The following SNX18 variants were observed in gnomAD, a reference collection of about 807,000 sequenced individuals.
SNX18 encodes sorting nexin 18, also known as sorting nexin-18.
In SNX18, 35 loss-of-function variants were observed where a neutral mutation model predicts 48.7. The observed-to-expected ratio is 0.72, with a 90% confidence interval of 0.55 to 0.95. The LOEUF (loss-of-function observed/expected upper bound fraction) is 0.95, where lower values mean the gene tolerates loss of function less well. Ranked by LOEUF, SNX18 falls within the 40% of genes least tolerant of loss-of-function variation. The pLI is 0.00. For synonymous variants in SNX18, 492 were observed against 384.7 expected, an observed-to-expected ratio of 1.28 and a Z score of -3.26; for missense variants, 824 against 871.0, an observed-to-expected ratio of 0.95 and a Z score of 0.68.
chr5:54,528,375 T>G (rs1179149125), intron 1 of SNX18, among the ~76,000 whole-genome samples: 5 of 152,112 alleles, frequency 3.3e-5, no homozygotes, highest in African/African-American at 1.2e-4. Context: ...CACAGAGGAC[T>G]GAAATAAAAG....
downstream of SNX18, among the ~76,000 whole-genome samples, chr5:54,549,783 G>A (rs1033753487): frequency 3.9e-5 from 6 of 152,286 alleles, no homozygotes; most frequent in Admixed American, 6.5e-5. Context: ...CCCTGGCCTC[G>A]TGTTACATAC....
the SNX18 span, among the ~76,000 whole-genome samples, chr5:54,583,147 G>A: frequency 6.6e-6 from 1 of 152,158 alleles, no homozygotes; most frequent in African/African-American, 2.4e-5. Flanking sequence ...GACTCTGTAT[G>A]TTTGTTTGTT....
At chr5:54,582,551 G>A in the SNX18 span, among the ~76,000 whole-genome samples, 1 of 152,016 alleles carries the variant, frequency 6.6e-6, no homozygotes, top group Non-Finnish European at 1.5e-5. Flanking sequence ...TTGAGCCTAG[G>A]AGTTCAAGAC....
At chr5:54,626,206 T>TA in the SNX18 span, among the ~76,000 whole-genome samples, 118 of 152,356 alleles carry the variant, frequency 7.7e-4, 1 homozygote, top group East Asian at 0.022. Flanking sequence ...TTCTGTCTAG[T>TA]AAAAAAGAAT....
chr5:54,518,517 G>A lies in SNX18; in HGVS notation c.565G>A (p.Ala189Thr), dbSNP rs1437312991. ...LDGSSSAGVGAAGRYRLSTRS... is the reference protein window; with the variant it reads ...LDGSSSAGVGTAGRYRLSTRS... The stretch of plus-strand genomic sequence containing the variant: ...CGGCTCGTCTTCGGCGGGTGTGGGC[G>A]CAGCCGGCCGCTACCGCCTGTCCAC... Residue 189 changes from alanine (A) to threonine (T), a missense_variant, in exon 1 of 2, where the codon GCA becomes ACA. By Grantham distance (58) the Ala-to-Thr change is moderately conservative. Transcript: ENST00000381410. 1.9e-6 allele frequency: 3 copies of A among 1,550,416 alleles called. No individual in the cohort carries two copies. Among genetic ancestry groups the A allele is most frequent in the East Asian group, 2.4e-5 (1 of 41,218 alleles).
the SNX18 span, among the ~76,000 whole-genome samples, chr5:54,558,883 G>A: frequency 3.3e-5 from 5 of 151,992 alleles, no homozygotes; most frequent in South Asian, 2.1e-4. Context: ...TTTCCAACCT[G>A]TAAACTTGCT....
At chr5:54,618,418 C>G in the SNX18 span, among the ~76,000 whole-genome samples, 1 of 152,236 alleles carries the variant, frequency 6.6e-6, no homozygotes, top group Admixed American at 6.5e-5. Context: ...ATAAGCAGAT[C>G]AAATCCCAGC....
intron 1 of SNX18, among the ~76,000 whole-genome samples, chr5:54,527,820 C>T (rs1293464409): frequency 6.6e-6 from 1 of 152,154 alleles, no homozygotes; most frequent in Non-Finnish European, 1.5e-5. Flanking sequence ...GAAGTAGGCA[C>T]TCAGTAGCTA....
the SNX18 span, among the ~76,000 whole-genome samples, chr5:54,639,657 C>T: frequency 5.8e-4 from 88 of 152,234 alleles, 1 homozygote; most frequent in South Asian, 6.2e-4. Flanking sequence ...AAGTAAGTTA[C>T]GCACCCAAAA....
the SNX18 span, among the ~76,000 whole-genome samples, chr5:54,647,703 C>G: frequency 6.6e-6 from 1 of 152,128 alleles, no homozygotes; most frequent in East Asian, 1.9e-4. Flanking sequence ...ATTTACTTGT[C>G]TTCATGACAG....
At chr5:54,551,401 C>T (rs1489476497), downstream of SNX18, among the ~76,000 whole-genome samples, 2 of 152,212 alleles carry the variant, frequency 1.3e-5, no homozygotes, top group African/African-American at 4.8e-5. Flanking sequence ...CCCTGTGAAG[C>T]CTTCCATGAA....
At chr5:54,558,718 A>G in the SNX18 span, among the ~76,000 whole-genome samples, 1 of 152,178 alleles carries the variant, frequency 6.6e-6, no homozygotes. Context: ...TGGGTTTTAT[A>G]CTTAGGCTCC....
At chr5:54,629,758 G>T in the SNX18 span, among the ~76,000 whole-genome samples, 1 of 152,130 alleles carries the variant, frequency 6.6e-6, no homozygotes, top group African/African-American at 2.4e-5. Flanking sequence ...AGAAGGCTTG[G>T]CTTTCTCTGG....
intron 1 of SNX18, among the ~76,000 whole-genome samples, chr5:54,528,619 C>T (rs1762190032): frequency 6.6e-6 from 1 of 152,144 alleles, no homozygotes; most frequent in Non-Finnish European, 1.5e-5. Flanking sequence ...ACCCGGTGCT[C>T]AGGTCAGTGA....
At chr5:54,579,601 A>G in the SNX18 span, among the ~76,000 whole-genome samples, 1 of 152,306 alleles carries the variant, frequency 6.6e-6, no homozygotes, top group African/African-American at 2.4e-5. Flanking sequence ...AGCTTTTTGT[A>G]CTCACCCAAA....
At chr5:54,527,342 G>A (rs1345787394) in intron 1 of SNX18, among the ~76,000 whole-genome samples, 1 of 147,666 alleles carries the variant, frequency 6.8e-6, no homozygotes, top group African/African-American at 2.5e-5. Flanking sequence ...GACAACAGAG[G>A]TGGTGGTCGG....
At chr5:54,580,712 A>G in the SNX18 span, among the ~76,000 whole-genome samples, 1 of 152,200 alleles carries the variant, frequency 6.6e-6, no homozygotes, top group African/African-American at 2.4e-5. Flanking sequence ...TCAAACCTAT[A>G]TAGTAAGTAC....
the SNX18 span, among the ~76,000 whole-genome samples, chr5:54,577,728 T>C: frequency 4.1e-4 from 63 of 152,130 alleles, no homozygotes; most frequent in African/African-American, 1.5e-3. Context: ...TCCCCAGGCA[T>C]GTGCAAACAG....
intron 1 of SNX18, among the ~76,000 whole-genome samples, chr5:54,523,332 C>G (rs1762067311): frequency 6.6e-6 from 1 of 152,086 alleles, no homozygotes; most frequent in South Asian, 2.1e-4. Context: ...TGATCAATCT[C>G]TAATATTTAA....
Sources: allele counts gnomAD v4.1 joint callset (sites outside exome capture counted in the v4.1 genomes callset), GRCh38; gene constraint gnomAD v4.1.1; transcripts MANE v1.5; gene names NCBI Gene and HGNC (gene_info 2026-07-23, HGNC 2026-07-21).